The following ENOX2 variants were observed in gnomAD, a reference collection of about 807,000 sequenced individuals.
ENOX2 encodes APK1 antigen.
ENOX2 carries 36 observed loss-of-function variants against 45.0 expected under a neutral mutation model. The observed-to-expected ratio is 0.80, with a 90% CI of 0.61 to 1.06. The LOEUF (loss-of-function observed/expected upper bound fraction) is 1.06, where lower values mean the gene tolerates loss of function less well. ENOX2 is among the 50% of genes least tolerant of loss of function. ENOX2 has a pLI of 0.00. For missense variants in ENOX2, 423 were observed against 462.5 expected (o/e 0.91, Z 0.78); for synonymous variants, 174 against 152.3 (o/e 1.14, Z -1.05).
chrX:130,675,710 T>C (rs2037129480), intron 6 of ENOX2, among the ~76,000 whole-genome samples: 1 of 111,245 alleles, frequency 9.0e-6, no homozygotes, highest in Non-Finnish European at 1.9e-5. Flanking sequence ...AGATAAATGG[T>C]TGCCTGAAGG....
intron 6 of ENOX2, among the ~76,000 whole-genome samples, chrX:130,675,067 C>T (rs1478718881): frequency 5.7e-5 from 6 of 104,944 alleles, no homozygotes; most frequent in Admixed American, 3.1e-4. Flanking sequence ...TGAATAGTGC[C>T]GCAATAAACA....
chrX:130,895,840 A>G (rs758317231), intron 2 of ENOX2, among the ~76,000 whole-genome samples: 6 of 112,454 alleles, frequency 5.3e-5, no homozygotes, highest in Non-Finnish European at 1.1e-4. Context: ...GAAAATTAAG[A>G]CTTCAGCAAA....
intron 2 of ENOX2, among the ~76,000 whole-genome samples, chrX:130,894,373 A>G (rs2079027118): frequency 9.1e-6 from 1 of 110,014 alleles, no homozygotes; most frequent in Admixed American, 9.6e-5. Context: ...AAAGAAAAAA[A>G]AAAAAGAAAA....
intron 2 of ENOX2, among the ~76,000 whole-genome samples, chrX:130,895,463 T>G (rs2148595540): frequency 8.9e-6 from 1 of 111,863 alleles, no homozygotes; most frequent in Non-Finnish European, 1.9e-5. Flanking sequence ...ACTGGGGATT[T>G]CTCCATCCTT....
chrX:130,742,245 C>CTTTTTTTTTTT (rs67776619), intron 3 of ENOX2, among the ~76,000 whole-genome samples: 1 of 60,171 alleles, frequency 1.7e-5, no homozygotes. Flanking sequence ...AGATAATTTC[C>CTTTTTTTTTTT]TTTTTTTTTT....
intron 4 of ENOX2, among the ~76,000 whole-genome samples, chrX:130,701,958 C>A (rs1349416338): frequency 8.9e-6 from 1 of 111,821 alleles, no homozygotes; most frequent in Non-Finnish European, 1.9e-5. Context: ...AGAATTTAGA[C>A]TCCTTTTTTT....
chrX:130,706,453 G>A (rs1164647551), intron 3 of ENOX2, among the ~76,000 whole-genome samples: 2 of 111,216 alleles, frequency 1.8e-5, no homozygotes, highest in African/African-American at 6.5e-5. Flanking sequence ...TCCAGGTAGT[G>A]AATGGAAGAT....
chrX:130,707,153 T>C (rs1420154045), intron 3 of ENOX2, among the ~76,000 whole-genome samples: 1 of 112,135 alleles, frequency 8.9e-6, no homozygotes, highest in Non-Finnish European at 1.9e-5. Flanking sequence ...GCCAAGAATA[T>C]TCAGAAGGCG....
At chrX:130,699,513 T>C (rs1319686651) in intron 4 of ENOX2, among the ~76,000 whole-genome samples, 1 of 111,853 alleles carries the variant, frequency 8.9e-6, no homozygotes, top group African/African-American at 3.3e-5. Context: ...AGCATAAAAG[T>C]AGCTGAATTA....
intron 3 of ENOX2, among the ~76,000 whole-genome samples, chrX:130,708,002 G>C (rs1262689352): frequency 1.8e-5 from 2 of 112,070 alleles, no homozygotes; most frequent in Non-Finnish European, 3.8e-5. Context: ...GAGGATATTA[G>C]GGTGAGTCAA....
intron 2 of ENOX2, among the ~76,000 whole-genome samples, chrX:130,896,210 ACT>A (rs1313694402): frequency 9.0e-6 from 1 of 111,520 alleles, no homozygotes; most frequent in Admixed American, 9.5e-5. Context: ...CACAATCATA[ACT>A]CTCACATCAC....
intron 2 of ENOX2, among the ~76,000 whole-genome samples, chrX:130,898,736 C>CTTTTTTTTTTTTTTT (rs58534541): frequency 1.0e-5 from 1 of 95,323 alleles, no homozygotes; most frequent in African/African-American, 3.8e-5. Context: ...TCTTTTTTTT[C>CTTTTTTTTTTTTTTT]TTTTTTTTTT....
At chrX:130,737,663 G>A (rs145785431) in intron 3 of ENOX2, among the ~76,000 whole-genome samples, 1 of 112,136 alleles carries the variant, frequency 8.9e-6, no homozygotes, top group South Asian at 3.7e-4. Flanking sequence ...GGCTACAGCA[G>A]AGCCAGATGT....
chrX:130,629,370 C>G (rs1311389106), intron 13 of ENOX2, among the ~76,000 whole-genome samples: 1 of 112,688 alleles, frequency 8.9e-6, no homozygotes, highest in Non-Finnish European at 1.9e-5. Flanking sequence ...ACCCAAAAAG[C>G]TGATTGAAAA....
In ENOX2 at chrX:130,732,445, A is replaced by G. The variant is rs758984228; in HGVS notation, c.-38-29191T>C. Among the ~76,000 whole-genome samples, 3 of 111,997 alleles carry G rather than the reference A, an allele frequency of 2.7e-5. No individual in the cohort carries two copies. In the East Asian group the frequency reaches 8.4e-4, roughly 31 times the overall value. ...ACTACCCAAAGAGATCTACAGATTC[A>G]ATGCAAGCCCTATCAAAACCCCAGT... On this transcript the variant is annotated intron_variant, in intron 3 of 14. Coordinates refer to ENST00000394363, the MANE Select transcript of ENOX2 (RefSeq NM_006375.4).
At chrX:130,830,233 C>T (rs943033697) in intron 2 of ENOX2, among the ~76,000 whole-genome samples, 2 of 111,766 alleles carry the variant, frequency 1.8e-5, no homozygotes, top group African/African-American at 3.3e-5. Context: ...CATAGCTGAG[C>T]AAATGGGCTT....
chrX:130,855,022 C>G (rs900913902), intron 2 of ENOX2, among the ~76,000 whole-genome samples: 1 of 111,223 alleles, frequency 9.0e-6, no homozygotes, highest in South Asian at 3.8e-4. Flanking sequence ...TATCCTGTCA[C>G]CATTCTTATT....
intron 4 of ENOX2, among the ~76,000 whole-genome samples, chrX:130,692,954 G>C (rs1050926314): frequency 4.5e-5 from 5 of 111,273 alleles, no homozygotes; most frequent in African/African-American, 1.6e-4. Flanking sequence ...TGCAAATGCT[G>C]TCTGTTAGCT....
At chrX:130,744,879 C>T (rs1023914922) in intron 3 of ENOX2, among the ~76,000 whole-genome samples, 2 of 111,333 alleles carry the variant, frequency 1.8e-5, no homozygotes, top group Non-Finnish European at 3.8e-5. Flanking sequence ...GCCTGAGCTC[C>T]GTCTCCTGTC....
Sources: gnomAD v4.1 joint callset for allele counts (sites outside exome capture counted in the v4.1 genomes callset) on GRCh38, gnomAD v4.1.1 for gene constraint, MANE v1.5 for transcripts, NCBI Gene and HGNC (gene_info 2026-07-23, HGNC 2026-07-21) for gene names.